GNA14: variants seen among roughly 807,000 people sequenced by gnomAD.
The protein encoded by GNA14 is G protein subunit alpha 14.
A neutral mutation model predicts 42.0 loss-of-function variants in GNA14; 50 were observed. The ratio of observed to expected loss-of-function variants is 1.19; its 90% CI spans 0.95 to 1.51. GNA14 has a LOEUF of 1.51. GNA14 is among the 40% of genes most tolerant of loss of function. GNA14 has a pLI of 0.00. For missense variants in GNA14, 473 were observed against 446.2 expected (o/e 1.06, Z -0.54); for synonymous variants, 173 against 163.1 (o/e 1.06, Z -0.46).
chr9:77,530,447 G>C (rs1321966742), intron 1 of GNA14, among the ~76,000 whole-genome samples: 1 of 152,188 alleles, frequency 6.6e-6, no homozygotes, highest in Non-Finnish European at 1.5e-5. Context: ...TTGTGGAAAC[G>C]TGAGCCAATT....
At chr9:77,633,560 C>T (rs1364930070) in intron 1 of GNA14, among the ~76,000 whole-genome samples, 1 of 152,144 alleles carries the variant, frequency 6.6e-6, no homozygotes, top group Non-Finnish European at 1.5e-5. Flanking sequence ...TAAAAGGTCA[C>T]TCTGGCTGGC....
intron 3 of GNA14, among the ~76,000 whole-genome samples, chr9:77,433,659 C>T (rs1478748723): frequency 6.6e-6 from 1 of 152,112 alleles, no homozygotes; most frequent in East Asian, 1.9e-4. Context: ...AGGAAATGCC[C>T]AAGAAAGTGA....
At chr9:77,582,684 A>G (rs979752826) in intron 1 of GNA14, among the ~76,000 whole-genome samples, 3 of 152,236 alleles carry the variant, frequency 2.0e-5, no homozygotes, top group Admixed American at 1.3e-4. Context: ...TGTTCCAGTC[A>G]TATGACTTGA....
intron 1 of GNA14, among the ~76,000 whole-genome samples, chr9:77,553,366 G>C (rs17724140): frequency 0.045 from 6,787 of 152,116 alleles, 169 homozygotes; most frequent in South Asian, 0.052. Flanking sequence ...GCTGGGACTA[G>C]ATCTTAACCA....
At chr9:77,608,994 T>C (rs1261006169) in intron 1 of GNA14, among the ~76,000 whole-genome samples, 1 of 152,200 alleles carries the variant, frequency 6.6e-6, no homozygotes, top group Admixed American at 6.5e-5. Flanking sequence ...AGTGTTCTTT[T>C]CAGAATAATC....
intron 2 of GNA14, among the ~76,000 whole-genome samples, chr9:77,496,883 A>G (rs1008799225): frequency 6.6e-6 from 1 of 152,250 alleles, no homozygotes; most frequent in Admixed American, 6.5e-5. Context: ...ACAGAAGAAT[A>G]TAACAAATGC....
At chr9:77,459,338 G>C (rs1005488783) in intron 2 of GNA14, among the ~76,000 whole-genome samples, 3 of 152,176 alleles carry the variant, frequency 2.0e-5, no homozygotes, top group Admixed American at 6.5e-5. Context: ...TTGTCTTACT[G>C]TAAGATTGCC....
At chr9:77,647,519 G>A (rs527782638) in intron 1 of GNA14, 151 bp downstream of exon 1, 1 of 842,070 alleles carries the variant, frequency 1.2e-6, no homozygotes, top group African/African-American at 1.7e-5. Context: ...AAGGCCCCAA[G>A]TTGCTGGCAT....
intron 2 of GNA14, among the ~76,000 whole-genome samples, chr9:77,495,962 G>A (rs1027134671): frequency 6.6e-6 from 1 of 152,182 alleles, no homozygotes; most frequent in Non-Finnish European, 1.5e-5. Context: ...GAGGAATGGA[G>A]AGTGTGTATG....
intron 2 of GNA14, among the ~76,000 whole-genome samples, chr9:77,466,059 A>T (rs1311042148): frequency 1.3e-5 from 2 of 152,188 alleles, no homozygotes; most frequent in Non-Finnish European, 2.9e-5. Flanking sequence ...GACTTTCAAC[A>T]GTTCGACTAT....
chr9:77,461,756 G>GAACA (rs34389568), intron 2 of GNA14, among the ~76,000 whole-genome samples: 61,393 of 151,604 alleles, frequency 0.4, 14,553 homozygotes, highest in African/African-American at 0.66. Context: ...AGAATTTCTT[G>GAACA]AATAATAGTA....
chr9:77,489,630 C>T (rs951226623), intron 2 of GNA14, among the ~76,000 whole-genome samples: 2 of 152,038 alleles, frequency 1.3e-5, no homozygotes, highest in Admixed American at 6.6e-5. Flanking sequence ...CAGATGTGTT[C>T]GGAGTTTCTT....
At chr9:77,437,846 TATC>T (rs984341095) in intron 2 of GNA14, among the ~76,000 whole-genome samples, 84 of 152,226 alleles carry the variant, frequency 5.5e-4, no homozygotes, top group African/African-American at 1.8e-3. Flanking sequence ...ACTCAAAAGT[TATC>T]ATCCACAAAG....
chr9:77,488,692 C>T (rs1037757887), intron 2 of GNA14, among the ~76,000 whole-genome samples: 3 of 150,696 alleles, frequency 2.0e-5, no homozygotes, highest in Admixed American at 2.0e-4. Flanking sequence ...CTCAAGGCAC[C>T]CTCTAGTGCC....
chr9:77,580,249 G>C (rs1315353702), intron 1 of GNA14: 1 of 285,266 alleles, frequency 3.5e-6, no homozygotes, highest in Non-Finnish European at 7.2e-6. Flanking sequence ...TCCAGAATGG[G>C]AGATAAGCTG....
At chr9:77,555,842 A>G (rs543055234) in intron 1 of GNA14, among the ~76,000 whole-genome samples, 21 of 152,364 alleles carry the variant, frequency 1.4e-4, no homozygotes, top group Non-Finnish European at 2.8e-4. Context: ...AATCTATAGC[A>G]TAACAGCATA....
intron 2 of GNA14, among the ~76,000 whole-genome samples, chr9:77,436,753 T>C (rs1835644511): frequency 6.6e-6 from 1 of 152,236 alleles, no homozygotes; most frequent in African/African-American, 2.4e-5. Flanking sequence ...CAATGTCTTA[T>C]TTGTTCTTAT....
intron 2 of GNA14, among the ~76,000 whole-genome samples, chr9:77,478,063 C>T (rs1397588050): frequency 1.3e-5 from 2 of 150,796 alleles, no homozygotes; most frequent in African/African-American, 4.9e-5. Flanking sequence ...TTTTAGGGTA[C>T]ATATGCATAA....
intron 2 of GNA14, among the ~76,000 whole-genome samples, chr9:77,473,907 G>A (rs904771441): frequency 1.3e-5 from 2 of 152,016 alleles, no homozygotes; most frequent in African/African-American, 4.8e-5. Flanking sequence ...TAATTCAATG[G>A]GAAAAGATTG....
Sources: gnomAD v4.1 joint callset for allele counts (sites outside exome capture counted in the v4.1 genomes callset) on GRCh38, gnomAD v4.1.1 for gene constraint, MANE v1.5 for transcripts, NCBI Gene and HGNC (gene_info 2026-07-23, HGNC 2026-07-21) for gene names.